The following PCSK6 variants were observed in gnomAD, a reference collection of about 807,000 sequenced individuals.
PCSK6 encodes the protein proprotein convertase subtilisin/kexin type 6, also known as paired basic amino acid cleaving enzyme 4.
A neutral mutation model predicts 123.3 loss-of-function variants in PCSK6; 85 were observed. The observed-to-expected ratio is 0.69, with a 90% CI of 0.58 to 0.83. PCSK6 has a LOEUF of 0.83. PCSK6 is among the 40% of genes least tolerant of loss of function. PCSK6 has a pLI of 0.00. For synonymous variants in PCSK6, 508 were observed against 516.0 expected (o/e 0.98, Z 0.21); for missense variants, 1,191 against 1,282.3 (o/e 0.93, Z 1.09).
At chr15:101,431,549 G>T in intron 3 of PCSK6, 86 bp from the exon 4 acceptor site, 1 of 1,533,462 alleles carries the variant, frequency 6.5e-7, no homozygotes, top group Non-Finnish European at 8.9e-7. Context: ...ACAGGGAGGC[G>T]CTTAGGCTTG....
rs188525993 is a variant in PCSK6, at chr15:101,424,531, C to A, written c.823+3361G>T. 2.4e-4 allele frequency among the ~76,000 whole-genome samples: 36 copies of A among 152,218 alleles called. No individual in the cohort carries two copies. In the East Asian group the frequency reaches 3.7e-3, roughly 16 times the overall value. On this transcript the variant is annotated intron_variant, in intron 6 of 21. Transcript: ENST00000611716. ...AGGTGAGAGATAACCTCAATAAATA[C>A]CAAAGAGCCTGGCGACAGGCTGAAG...
chr15:101,313,840 A>C (rs964126168), intron 19 of PCSK6: 50 of 224,920 alleles, frequency 2.2e-4, no homozygotes, highest in African/African-American at 1.1e-3. Context: ...TCCAGTGCCA[A>C]AGTCTTCATA....
At chr15:101,367,716 T>C (rs3784505) in intron 12 of PCSK6, among the ~76,000 whole-genome samples, 45,204 of 152,218 alleles carry the variant, frequency 0.3, 7,042 homozygotes, top group Admixed American at 0.43. Flanking sequence ...TAGGAGGTCA[T>C]TGATCCTAAA....
intron 12 of PCSK6, among the ~76,000 whole-genome samples, chr15:101,368,313 G>A (rs916129226): frequency 6.6e-5 from 10 of 152,210 alleles, no homozygotes; most frequent in Non-Finnish European, 1.3e-4. Context: ...GCAGCGGAAG[G>A]TTCTTGTGGG....
chr15:101,402,852 A>G (rs1031141183), intron 6 of PCSK6, among the ~76,000 whole-genome samples: 3 of 152,170 alleles, frequency 2.0e-5, no homozygotes, highest in East Asian at 1.9e-4. Context: ...CCATTGTGGA[A>G]GACAGTGTGG....
At chr15:101,404,544 G>C (rs34357987) in intron 6 of PCSK6, among the ~76,000 whole-genome samples, 3,529 of 152,262 alleles carry the variant, frequency 0.023, 55 homozygotes, top group East Asian at 0.059. Context: ...GATCGTGGCC[G>C]CCGGCAAGAT....
chr15:101,353,952 C>T (rs2040967651), intron 13 of PCSK6, among the ~76,000 whole-genome samples: 1 of 152,228 alleles, frequency 6.6e-6, no homozygotes, highest in South Asian at 2.1e-4. Flanking sequence ...CATGTTCATG[C>T]TGGTAAGGCT....
intron 20 of PCSK6, among the ~76,000 whole-genome samples, chr15:101,310,312 G>A (rs977215974): frequency 2.0e-5 from 3 of 152,196 alleles, no homozygotes; most frequent in African/African-American, 7.2e-5. Flanking sequence ...ACTGCCCAAA[G>A]AGAGGTTTGC....
At chr15:101,356,722 T>TAATA (rs1450514973) in intron 13 of PCSK6, among the ~76,000 whole-genome samples, 29 of 140,960 alleles carry the variant, frequency 2.1e-4, no homozygotes, top group African/African-American at 7.0e-4. Context: ...AATAAATAAA[T>TAATA]AATATAGGTG....
chr15:101,421,997 C>T (rs987790636), intron 6 of PCSK6, among the ~76,000 whole-genome samples: 3 of 152,002 alleles, frequency 2.0e-5, no homozygotes, highest in African/African-American at 7.3e-5. Context: ...CTTTTTAAGA[C>T]CACTGAAGAA....
chr15:101,397,744 C>T (rs1006032632), intron 7 of PCSK6, among the ~76,000 whole-genome samples: 2 of 152,276 alleles, frequency 1.3e-5, no homozygotes, highest in Admixed American at 6.5e-5. Context: ...CACCTCCTCC[C>T]CCTTCCTCAG....
chr15:101,410,731 T>C (rs1051849390), intron 6 of PCSK6, among the ~76,000 whole-genome samples: 4 of 152,184 alleles, frequency 2.6e-5, no homozygotes, highest in African/African-American at 4.8e-5. Context: ...AAGGCTATGA[T>C]TGCAAAGGTG....
chr15:101,410,066 G>T (rs2042901894), intron 6 of PCSK6, among the ~76,000 whole-genome samples: 1 of 152,210 alleles, frequency 6.6e-6, no homozygotes, highest in African/African-American at 2.4e-5. Flanking sequence ...CTGAGTGGCT[G>T]GGATTACAGG....
At chr15:101,313,709 C>T (rs780171807) in intron 19 of PCSK6, 57 of 630,118 alleles carry the variant, frequency 9.0e-5, no homozygotes, top group Non-Finnish European at 1.3e-4. Context: ...ATTTCACAGA[C>T]GGGGACATCG....
At position 101,410,347 on chromosome 15, in the gene PCSK6, C is replaced by T. The variant is rs531767348; in HGVS notation, c.824-11771G>A. ...GGCAGCCAAGTCTGGAGCCCCCCAC[C>T]ACCAATGCCACCCTGAAGCAGAAGG... On this transcript the variant is annotated intron_variant, in intron 6 of 21. Transcript: ENST00000611716. Among the ~76,000 whole-genome samples, 481 of 152,302 alleles carry T rather than the reference C, an allele frequency of 3.2e-3. 3 individuals carry two copies. Among genetic ancestry groups the T allele is most frequent in the African/African-American group, 0.011 (461 of 41,568 alleles).
chr15:101,433,898 T>C (rs10468194), intron 2 of PCSK6, among the ~76,000 whole-genome samples: 88,724 of 151,664 alleles, frequency 0.59, 27,310 homozygotes, highest in African/African-American at 0.79. Context: ...CATCCCAGCC[T>C]GTCCCACCCC....
chr15:101,479,037 C>T (rs1375350504), intron 1 of PCSK6, among the ~76,000 whole-genome samples: 2 of 152,194 alleles, frequency 1.3e-5, no homozygotes, highest in Non-Finnish European at 2.9e-5. Context: ...AGGAACTGCA[C>T]TAGGGCCTCA....
intron 13 of PCSK6, among the ~76,000 whole-genome samples, chr15:101,349,995 A>G (rs6598452): frequency 0.48 from 73,012 of 151,668 alleles, 18,510 homozygotes; most frequent in African/African-American, 0.65. Flanking sequence ...TGCAACCTCC[A>G]CCTCCCTGGT....
intron 6 of PCSK6, among the ~76,000 whole-genome samples, chr15:101,420,569 G>T (rs1465843420): frequency 6.6e-5 from 10 of 152,048 alleles, no homozygotes; most frequent in African/African-American, 2.2e-4. Context: ...TCACTATGTT[G>T]ACCAGGTTGG....
Sources: allele counts gnomAD v4.1 joint callset (sites outside exome capture counted in the v4.1 genomes callset), GRCh38; gene constraint gnomAD v4.1.1; transcripts MANE v1.5; gene names NCBI Gene and HGNC (gene_info 2026-07-23, HGNC 2026-07-21).